The following RASGEF1C variants were observed in gnomAD, a reference collection of about 807,000 sequenced individuals.
RASGEF1C encodes ras-GEF domain-containing family member 1C.
In RASGEF1C, 27 loss-of-function variants were observed where a neutral mutation model predicts 58.1. The observed-to-expected ratio is 0.46, with a 90% CI of 0.34 to 0.64. The LOEUF (loss-of-function observed/expected upper bound fraction) is 0.64, where lower values mean the gene tolerates loss of function less well. Among genes scored for constraint, RASGEF1C ranks in the 30% least tolerant of loss-of-function variants. The pLI is 0.01. For missense variants in RASGEF1C, 502 were observed against 605.1 expected, an observed-to-expected ratio of 0.83 and a Z score of 1.79; for synonymous variants, 243 against 246.3, an observed-to-expected ratio of 0.99 and a Z score of 0.13.
At chr5:180,146,954 T>C (rs1561743065) in intron 1 of RASGEF1C, among the ~76,000 whole-genome samples, 1 of 152,296 alleles carries the variant, frequency 6.6e-6, no homozygotes, top group East Asian at 1.9e-4. Flanking sequence ...TTTTTTGTTG[T>C]TGGAAGGCTT....
At chr5:180,190,996 C>G (rs1283450781) in intron 1 of RASGEF1C, among the ~76,000 whole-genome samples, 1 of 152,140 alleles carries the variant, frequency 6.6e-6, no homozygotes, top group Non-Finnish European at 1.5e-5. Context: ...TCTGAACTGA[C>G]AGTTCATCGA....
At chr5:180,176,714 G>A (rs578074766) in intron 1 of RASGEF1C, among the ~76,000 whole-genome samples, 1 of 152,182 alleles carries the variant, frequency 6.6e-6, no homozygotes, top group East Asian at 1.9e-4. Context: ...CTGCCACCAT[G>A]CCCGGCTAAT....
At chr5:180,183,488 A>C (rs992365189) in intron 1 of RASGEF1C, among the ~76,000 whole-genome samples, 1 of 12,434 alleles carries the variant, frequency 8.0e-5, no homozygotes, top group South Asian at 9.1e-3. Context: ...ATTCAAAAGA[A>C]GTCAGAAAAA....
chr5:180,176,530 A>G (rs1259329343), intron 1 of RASGEF1C, among the ~76,000 whole-genome samples: 1 of 149,732 alleles, frequency 6.7e-6, no homozygotes, highest in African/African-American at 2.5e-5. Context: ...CAGGTAACAG[A>G]GGGCCTTGGC....
At chr5:180,165,750 CT>C (rs372734323) in intron 1 of RASGEF1C, among the ~76,000 whole-genome samples, 1,191 of 107,356 alleles carry the variant, frequency 0.011, 9 homozygotes, top group African/African-American at 0.038. Flanking sequence ...TTAATTTTTC[CT>C]TTTTTTTTTT....
At chr5:180,191,560 G>A (rs1475454761) in intron 1 of RASGEF1C, among the ~76,000 whole-genome samples, 2 of 151,980 alleles carry the variant, frequency 1.3e-5, no homozygotes, top group African/African-American at 4.8e-5. Flanking sequence ...ATTTCACCGT[G>A]TTAGCCAGGA....
rs1342437565 is a variant in RASGEF1C, at chr5:180,198,860, T to C, written c.-7+10168A>G. Among the ~76,000 whole-genome samples, 1 of 152,074 alleles carries C rather than the reference T, an allele frequency of 6.6e-6. No homozygotes were observed. The highest frequency in any genetic ancestry group is 1.5e-5 in the Non-Finnish European group (1 of 68,000). On this transcript the variant is annotated intron_variant, in intron 1 of 13. Transcript: ENST00000361132. This position sits in a 1 kb window ranked among gnomAD's most constrained non-coding sequence, Gnocchi z 4.5. ...CATGAAATGAGCCTGGCAAGGACCT[T>C]TGCCAAGAGTAGGAACCCAGGGAGG... is the stretch of plus-strand genomic sequence containing the variant.
intron 11 of RASGEF1C, among the ~76,000 whole-genome samples, chr5:180,113,025 A>C (rs1388335013): frequency 6.3e-5 from 5 of 79,740 alleles, no homozygotes; most frequent in African/African-American, 1.3e-4. Context: ...GGGACCGGGG[A>C]TGGACGGAGG....
intron 12 of RASGEF1C, among the ~76,000 whole-genome samples, chr5:180,106,146 G>A (rs1765871304): frequency 6.6e-6 from 1 of 152,240 alleles, no homozygotes; most frequent in Non-Finnish European, 1.5e-5. Flanking sequence ...GGTAACTACA[G>A]ATAAGGGGGG....
intron 1 of RASGEF1C, among the ~76,000 whole-genome samples, chr5:180,163,933 T>C (rs1264664906): frequency 6.6e-6 from 1 of 152,232 alleles, no homozygotes; most frequent in Non-Finnish European, 1.5e-5. Context: ...CTATTTAGGT[T>C]ATCTATTTCA....
chr5:180,127,419 C>T (rs1766280594), intron 6 of RASGEF1C, among the ~76,000 whole-genome samples, 190 bp downstream of exon 6: 1 of 152,248 alleles, frequency 6.6e-6, no homozygotes, highest in Admixed American at 6.5e-5. Context: ...TTTCCGGGGA[C>T]TCGGGACTCG....
intron 10 of RASGEF1C, among the ~76,000 whole-genome samples, chr5:180,116,559 T>C (rs1766071766): frequency 6.6e-6 from 1 of 152,174 alleles, no homozygotes; most frequent in South Asian, 2.1e-4. Context: ...TTAAAGTCAA[T>C]ACGCAGCTGT....
chr5:180,118,842 G>A lies in RASGEF1C; in HGVS notation c.932C>T (p.Ser311Phe). The A allele has an allele frequency of 6.2e-7, 1 of 1,614,248 alleles. No individual in the cohort carries two copies. Among genetic ancestry groups the A allele is most frequent in the Non-Finnish European group, 8.5e-7 (1 of 1,180,034 alleles). Residue 311 changes from serine to phenylalanine, a missense_variant, in exon 9 of 14, where the codon TCC (serine) becomes TTC (phenylalanine). Physicochemically the swap from Ser to Phe is radical, Grantham distance 155. Transcript: ENST00000361132. ...TTTGGCCCAGGTCTTCTTCAGCCTG[G>A]AGACAGGGCTCATGTTCATGCCGGC... is the stretch of plus-strand genomic sequence containing the variant. ...IISGMNMSPV[S>F]RLKKTWAKVR...
At chr5:180,164,721 T>A (rs1766992846) in intron 1 of RASGEF1C, among the ~76,000 whole-genome samples, 1 of 152,248 alleles carries the variant, frequency 6.6e-6, no homozygotes, top group Non-Finnish European at 1.5e-5. Context: ...GATACGGTTT[T>A]GGTGAATATT....
chr5:180,201,752 G>GTC (rs902129862), intron 1 of RASGEF1C, among the ~76,000 whole-genome samples: 1 of 152,206 alleles, frequency 6.6e-6, no homozygotes, highest in African/African-American at 2.4e-5. Flanking sequence ...ACGAGATTAG[G>GTC]TCTCGAGGGC....
intron 1 of RASGEF1C, among the ~76,000 whole-genome samples, chr5:180,171,281 G>A (rs1767102592): frequency 2.0e-5 from 3 of 152,020 alleles, no homozygotes; most frequent in Admixed American, 2.0e-4. Context: ...AGTGTGACCT[G>A]TTTCTGGGGA....
chr5:180,161,711 C>G (rs1196464572), intron 1 of RASGEF1C, among the ~76,000 whole-genome samples: 3 of 152,262 alleles, frequency 2.0e-5, no homozygotes, highest in Non-Finnish European at 2.9e-5. Context: ...CATTCGCGCC[C>G]ATCTCTGCCG....
chr5:180,207,604 T>G (rs981597511), intron 1 of RASGEF1C, among the ~76,000 whole-genome samples: 4 of 146,470 alleles, frequency 2.7e-5, no homozygotes, highest in African/African-American at 1.0e-4. Flanking sequence ...AGTCCCGCCC[T>G]GGGCTCCGCA....
At chr5:180,133,553 C>A (rs1409032493) in intron 4 of RASGEF1C, among the ~76,000 whole-genome samples, 16 of 152,216 alleles carry the variant, frequency 1.1e-4, no homozygotes. Context: ...ACCTCAATAT[C>A]TTGCACACAG....
Sources: gnomAD v4.1 joint callset for allele counts (sites outside exome capture counted in the v4.1 genomes callset) on GRCh38, gnomAD v4.1.1 for gene constraint, Gnocchi (gnomAD v3.1) non-coding constraint, MANE v1.5 for transcripts, NCBI Gene and HGNC (gene_info 2026-07-23, HGNC 2026-07-21) for gene names.